The following LINGO2 variants were observed in gnomAD, a reference collection of about 807,000 sequenced individuals.
LINGO2 encodes the protein leucine-rich repeat and immunoglobulin-like domain-containing nogo receptor-interacting protein 2.
A neutral mutation model predicts 30.6 loss-of-function variants in LINGO2; 14 were observed. That is an observed-to-expected ratio of 0.46 (90% CI 0.30 to 0.72). The LOEUF (loss-of-function observed/expected upper bound fraction) is 0.72. Among genes scored for constraint, LINGO2 ranks in the 30% least tolerant of loss-of-function variants. The pLI, the probability that LINGO2 is intolerant of heterozygous loss-of-function variation, is 0.07. For missense variants in LINGO2, 729 were observed against 751.7 expected (o/e 0.97, Z 0.35); for synonymous variants, 317 against 288.5 (o/e 1.10, Z -1.00).
At chr9:29,112,070 T>C in the LINGO2 span, among the ~76,000 whole-genome samples, 2 of 151,728 alleles carry the variant, frequency 1.3e-5, no homozygotes, top group Non-Finnish European at 1.5e-5. Context: ...ATATATAATA[T>C]GTATGATGTA....
At chr9:29,020,038 C>T in the LINGO2 span, among the ~76,000 whole-genome samples, 4 of 152,110 alleles carry the variant, frequency 2.6e-5, no homozygotes, top group Admixed American at 6.6e-5. Flanking sequence ...TGGCTGAAGG[C>T]ATATGTTTAG....
chr9:28,565,314 A>G (rs1183299733), intron 1 of LINGO2, among the ~76,000 whole-genome samples: 3 of 151,034 alleles, frequency 2.0e-5, no homozygotes, highest in Non-Finnish European at 2.9e-5. Flanking sequence ...CAGCCTCCCA[A>G]GTAGCTGGGA....
chr9:28,824,586 T>C, the LINGO2 span, among the ~76,000 whole-genome samples: 1 of 152,126 alleles, frequency 6.6e-6, no homozygotes, highest in African/African-American at 2.4e-5. Flanking sequence ...CCTGGAGTAA[T>C]ATGCAGAAAA....
At chr9:28,703,550 GA>G in the LINGO2 span, among the ~76,000 whole-genome samples, 4 of 151,370 alleles carry the variant, frequency 2.6e-5, no homozygotes, top group South Asian at 8.3e-4. Flanking sequence ...ATATGAGCTT[GA>G]AAAAAACGTG....
At chr9:28,652,542 A>T (rs1828149016) in intron 1 of LINGO2, among the ~76,000 whole-genome samples, 1 of 152,074 alleles carries the variant, frequency 6.6e-6, no homozygotes, top group Non-Finnish European at 1.5e-5. Context: ...TATGTACTTG[A>T]CAAAGGATTA....
At chr9:28,747,005 G>T in the LINGO2 span, among the ~76,000 whole-genome samples, 2 of 152,012 alleles carry the variant, frequency 1.3e-5, no homozygotes, top group Non-Finnish European at 2.9e-5. Context: ...AAAGAAGAGG[G>T]TGGTTCCCCA....
At chr9:28,522,256 G>C (rs1422103120) in intron 1 of LINGO2, among the ~76,000 whole-genome samples, 1 of 152,134 alleles carries the variant, frequency 6.6e-6, no homozygotes, top group African/African-American at 2.4e-5. Flanking sequence ...TCTGTGAAAA[G>C]GACTGTGATC....
chr9:28,306,366 T>C (rs1382691603), intron 3 of LINGO2, among the ~76,000 whole-genome samples: 4 of 152,100 alleles, frequency 2.6e-5, no homozygotes, highest in Non-Finnish European at 4.4e-5. Flanking sequence ...AATAAGGATG[T>C]TCTTTGAAAC....
At chr9:28,178,275 A>C (rs1174155160) in intron 4 of LINGO2, among the ~76,000 whole-genome samples, 2 of 152,172 alleles carry the variant, frequency 1.3e-5, no homozygotes, top group Admixed American at 6.6e-5. Context: ...GGTAGCGTAT[A>C]CATTATATTA....
the LINGO2 span, among the ~76,000 whole-genome samples, chr9:28,732,167 A>C: frequency 2.6e-5 from 4 of 152,112 alleles, no homozygotes; most frequent in Non-Finnish European, 4.4e-5. Context: ...AAGTGGTGAA[A>C]AAAAGTCTCC....
the LINGO2 span, among the ~76,000 whole-genome samples, chr9:29,067,965 A>G: frequency 6.6e-6 from 1 of 151,760 alleles, no homozygotes; most frequent in African/African-American, 2.4e-5. Context: ...GATTGGGGGA[A>G]TATTATATAA....
At chr9:28,394,299 C>T (rs972048534) in intron 2 of LINGO2, among the ~76,000 whole-genome samples, 3 of 152,144 alleles carry the variant, frequency 2.0e-5, no homozygotes, top group African/African-American at 7.2e-5. Context: ...TGTCAGTAAT[C>T]TCTAATTCTG....
chr9:28,058,644 TTTCTC>T (rs1825038783), intron 4 of LINGO2, among the ~76,000 whole-genome samples: 1 of 152,120 alleles, frequency 6.6e-6, no homozygotes, highest in Non-Finnish European at 1.5e-5. Context: ...AAGAAGTAAT[TTTCTC>T]TAATTTCTAT....
chr9:29,113,174 T>G, the LINGO2 span, among the ~76,000 whole-genome samples: 1 of 152,198 alleles, frequency 6.6e-6, no homozygotes, highest in Non-Finnish European at 1.5e-5. Context: ...ATACTTGCAC[T>G]AACTTATTAT....
the LINGO2 span, among the ~76,000 whole-genome samples, chr9:28,990,521 G>A: frequency 6.6e-6 from 1 of 152,346 alleles, no homozygotes; most frequent in East Asian, 1.9e-4. Flanking sequence ...CCAGCATGCA[G>A]CTGGAGACCT....
intron 5 of LINGO2, among the ~76,000 whole-genome samples, chr9:27,959,261 C>A (rs1464032269): frequency 6.6e-6 from 1 of 151,880 alleles, no homozygotes; most frequent in Non-Finnish European, 1.5e-5. Flanking sequence ...CTTTTTATTT[C>A]ATTAATTTCT....
intron 1 of LINGO2, among the ~76,000 whole-genome samples, chr9:28,532,002 C>T (rs1452489730): frequency 1.3e-5 from 2 of 152,232 alleles, no homozygotes; most frequent in East Asian, 3.9e-4. Context: ...GTTATGGGAG[C>T]ATTTTACCTT....
At chr9:29,169,956 T>C in the LINGO2 span, among the ~76,000 whole-genome samples, 2 of 150,220 alleles carry the variant, frequency 1.3e-5, no homozygotes, top group Non-Finnish European at 1.5e-5. Context: ...GCTCGCGCCA[T>C]TGCACTCCAG....
intron 4 of LINGO2, among the ~76,000 whole-genome samples, chr9:28,044,671 T>A (rs1318167345): frequency 6.6e-6 from 1 of 152,128 alleles, no homozygotes; most frequent in Non-Finnish European, 1.5e-5. Context: ...AACCATGCTA[T>A]CAATGCTGGT....
Sources: gnomAD v4.1 joint callset for allele counts (sites outside exome capture counted in the v4.1 genomes callset) on GRCh38, gnomAD v4.1.1 for gene constraint, MANE v1.5 for transcripts, NCBI Gene and HGNC (gene_info 2026-07-23, HGNC 2026-07-21) for gene names.